PRELID2: variants seen among roughly 807,000 people sequenced by gnomAD.
PRELID2 encodes PRELI domain containing 2.
In PRELID2, 25 loss-of-function variants were observed where a neutral mutation model predicts 28.4. The ratio of observed to expected loss-of-function variants is 0.88; its 90% CI spans 0.64 to 1.23. The LOEUF (loss-of-function observed/expected upper bound fraction) is 1.23, where lower values mean the gene tolerates loss of function less well. PRELID2 is among the 50% of genes most tolerant of loss of function. The pLI, the probability that PRELID2 is intolerant of heterozygous loss-of-function variation, is 0.00. For synonymous variants in PRELID2, 76 were observed against 71.6 expected (o/e 1.06, Z -0.31); for missense variants, 201 against 214.4 (o/e 0.94, Z 0.39).
In PRELID2 at chr5:145,731,725, C is replaced by G. The variant is rs371835566; in HGVS notation, n.70+33206G>C. On this transcript the variant is annotated intron_variant and non_coding_transcript_variant, in intron 1 of 2. Coordinates refer to the PRELID2 transcript ENST00000510259. ...CATTACGATGAATCAGAAATACCTG[C>G]GCCTCTTTCTATAAAAGAAGGCACA... Among the ~76,000 whole-genome samples the G allele has an allele frequency of 3.1e-3, 478 of 152,272 alleles. 1 individual carries two copies. The highest frequency in any genetic ancestry group is 0.011 in the African/African-American group (442 of 41,550).
chr5:145,289,938 T>C, the PRELID2 span, among the ~76,000 whole-genome samples: 1 of 152,206 alleles, frequency 6.6e-6, no homozygotes, highest in African/African-American at 2.4e-5. Flanking sequence ...TGCCATTTTT[T>C]AATTGGGTTG....
rs762320262 is a variant in PRELID2, at chr5:145,819,969, G to A, written c.183C>T (p.Asn61=). 43 of 1,606,872 alleles carry A rather than the reference G, an allele frequency of 2.7e-5. 1 individual carries two copies. Among genetic ancestry groups the A allele is most frequent in the South Asian group, 6.7e-5 (6 of 89,598 alleles). The part of the protein sequence containing the change: ...IYRKRIAICQ[N]VVPEILRKVS... ...CCTTCCTTAAAATTTCTGGAACCAC[G>A]TTCTGACAGATTGCAATCCTCTTTC... Residue 61 remains asparagine, a synonymous_variant, in exon 3 of 7, where the codon AAC becomes AAT. Transcript: ENST00000683046.
intron 1 of PRELID2, among the ~76,000 whole-genome samples, chr5:145,741,586 A>T (rs1756755615): frequency 1.0e-5 from 1 of 98,382 alleles, no homozygotes; most frequent in African/African-American, 4.3e-5. Flanking sequence ...TAAATAATTT[A>T]TATATAAAAT....
At chr5:145,593,256 A>G (rs1300113043) in intron 1 of PRELID2, among the ~76,000 whole-genome samples, 1 of 152,206 alleles carries the variant, frequency 6.6e-6, no homozygotes, top group Non-Finnish European at 1.5e-5. Flanking sequence ...CACTTCTAAT[A>G]CCAAAATTGT....
chr5:145,685,666 GAGAGAGAC>G (rs1755024864), intron 1 of PRELID2, among the ~76,000 whole-genome samples: 1 of 152,052 alleles, frequency 6.6e-6, no homozygotes, highest in Non-Finnish European at 1.5e-5. Flanking sequence ...ATATTAATCA[GAGAGAGAC>G]AGAGAGACCA....
At chr5:145,743,270 C>T (rs1316318489) in intron 1 of PRELID2, among the ~76,000 whole-genome samples, 1 of 151,728 alleles carries the variant, frequency 6.6e-6, no homozygotes, top group African/African-American at 2.4e-5. Flanking sequence ...ATTACCCAGG[C>T]ATGATGGCGG....
intron 1 of PRELID2, among the ~76,000 whole-genome samples, chr5:145,510,992 A>G (rs1430494681): frequency 2.6e-5 from 4 of 152,212 alleles, no homozygotes; most frequent in Non-Finnish European, 5.9e-5. Context: ...AGCAGGGCAA[A>G]GTAAGCTGAC....
At chr5:145,534,264 A>G (rs1315104909) in intron 1 of PRELID2, among the ~76,000 whole-genome samples, 1 of 152,004 alleles carries the variant, frequency 6.6e-6, no homozygotes, top group African/African-American at 2.4e-5. Context: ...TACGGTGCAC[A>G]AGTATCTTTT....
chr5:145,539,567 T>C (rs1392205855), intron 1 of PRELID2, among the ~76,000 whole-genome samples: 1 of 151,998 alleles, frequency 6.6e-6, no homozygotes, highest in African/African-American at 2.4e-5. Context: ...CTCCTCTTTT[T>C]GTATTATAAA....
At chr5:145,314,043 G>A in the PRELID2 span, among the ~76,000 whole-genome samples, 8 of 152,088 alleles carry the variant, frequency 5.3e-5, no homozygotes, top group African/African-American at 1.2e-4. Flanking sequence ...ATGAGACATC[G>A]TACAGTTTCC....
chr5:145,386,656 CTTA>C, the PRELID2 span, among the ~76,000 whole-genome samples: 11 of 152,260 alleles, frequency 7.2e-5, no homozygotes, highest in East Asian at 1.2e-3. Flanking sequence ...ATACATGGCC[CTTA>C]TTATTTTCTG....
At chr5:145,728,292 C>T (rs1440784705) in intron 1 of PRELID2, 1 of 270,154 alleles carries the variant, frequency 3.7e-6, no homozygotes, top group Non-Finnish European at 7.3e-6. Context: ...CTGTTAGTTC[C>T]TGTGAGTTCC....
the PRELID2 span, among the ~76,000 whole-genome samples, chr5:145,382,688 A>G: frequency 6.6e-6 from 1 of 151,970 alleles, no homozygotes; most frequent in East Asian, 1.9e-4. Context: ...TTACCAGCAG[A>G]CCCATACTAC....
intron 4 of PRELID2, among the ~76,000 whole-genome samples, chr5:145,802,506 G>A (rs1467126376): frequency 6.6e-6 from 1 of 152,200 alleles, no homozygotes; most frequent in African/African-American, 2.4e-5. Flanking sequence ...GGAAGAGAAA[G>A]TGAAGAAGCA....
At chr5:145,772,243 T>A (rs1443153823) in intron 5 of PRELID2, among the ~76,000 whole-genome samples, 2 of 152,040 alleles carry the variant, frequency 1.3e-5, no homozygotes, top group Non-Finnish European at 2.9e-5. Flanking sequence ...AAACAACCTG[T>A]TCAAAATCAC....
At chr5:145,810,837 T>C (rs887756164) in intron 4 of PRELID2, among the ~76,000 whole-genome samples, 1 of 151,368 alleles carries the variant, frequency 6.6e-6, no homozygotes, top group Admixed American at 6.6e-5. Flanking sequence ...AACCGAGGAG[T>C]AGAGAAGTGA....
chr5:145,829,961 C>A (rs575608512), intron 1 of PRELID2, among the ~76,000 whole-genome samples: 2 of 152,152 alleles, frequency 1.3e-5, no homozygotes, highest in Non-Finnish European at 2.9e-5. Flanking sequence ...AGGCTCCCAG[C>A]CAAAATAAAT....
chr5:145,834,962 G>T (rs1200561047), intron 1 of PRELID2: 4 of 464,036 alleles, frequency 8.6e-6, no homozygotes, highest in Non-Finnish European at 1.6e-5. Context: ...TTTCAGCTGG[G>T]GCAGGTGTGA....
chr5:145,577,855 T>C (rs1753073861), intron 1 of PRELID2, among the ~76,000 whole-genome samples: 1 of 152,182 alleles, frequency 6.6e-6, no homozygotes, highest in Non-Finnish European at 1.5e-5. Flanking sequence ...TCATATGTAC[T>C]TTTTGCTTAT....
Sources: allele counts gnomAD v4.1 joint callset (sites outside exome capture counted in the v4.1 genomes callset), GRCh38; gene constraint gnomAD v4.1.1; transcripts MANE v1.5; gene names NCBI Gene and HGNC (gene_info 2026-07-23, HGNC 2026-07-21).